Variants in C12orf57 observed in about 807,000 individuals in gnomAD.
The protein encoded by C12orf57 is chromosome 12 open reading frame 57, also known as protein C10.
A neutral mutation model predicts 11.3 loss-of-function variants in C12orf57; 14 were observed. The ratio of observed to expected loss-of-function variants is 1.24; its 90% CI spans 0.82 to 1.94. C12orf57 has a LOEUF of 1.94. C12orf57 is among the 30% of genes most tolerant of loss of function. The pLI, the probability that C12orf57 is intolerant of heterozygous loss-of-function variation, is 0.00. For synonymous variants in C12orf57, 100 were observed against 74.6 expected (o/e 1.34, Z -1.76); for missense variants, 229 against 172.4 (o/e 1.33, Z -1.84).
At chr12:6,943,868 G>GT (rs1287202202), upstream of C12orf57, 66 of 941,772 alleles carry the variant, frequency 7.0e-5, no homozygotes, top group Middle Eastern at 3.4e-4. Flanking sequence ...GCTTTTTACC[G>GT]GAAAGCCCCT....
At chr12:6,943,926 T>C (rs782742987), upstream of C12orf57, 204 of 1,322,062 alleles carry the variant, frequency 1.5e-4, no homozygotes, top group African/African-American at 2.8e-4. Flanking sequence ...TGTGCAAAAA[T>C]TATGGGTAGT....
rs1555146005 is a variant in C12orf57 at position 6,944,523 on chromosome 12, G to C, written c.100G>C (p.Val34Leu). 6 of 1,613,940 alleles carry C rather than the reference G, an allele frequency of 3.7e-6. No homozygotes were observed. The highest frequency in any genetic ancestry group is 5.1e-6 in the Non-Finnish European group (6 of 1,180,028). Reference protein sequence around the residue: ...IQAFSAPENAVRMDEARDNAC... With the variant: ...IQAFSAPENALRMDEARDNAC... Reference sequence around the variant, plus strand: ...GGCGTTCTCCGCCCCGGAGAATGCAGTGCGCATGGACGAGGCTCGGGATAA... The same window carrying C: ...GGCGTTCTCCGCCCCGGAGAATGCACTGCGCATGGACGAGGCTCGGGATAA... The change falls in exon 2 of 3, where the codon GTG becomes CTG. Residue 34 changes from valine to leucine, a missense_variant. Coordinates refer to ENST00000229281, the MANE Select transcript of C12orf57 (RefSeq NM_138425.4).
chr12:6,943,772 T>A, upstream of C12orf57: 1 of 1,045,074 alleles, frequency 9.6e-7, no homozygotes. Context: ...TCATCAATTG[T>A]GGAGTTCCTT....
chr12:6,945,795 T>C lies in C12orf57; in HGVS notation c.254T>C (p.Val85Ala), dbSNP rs1555146484. The change falls in exon 3 of 3, where the codon GTC (valine) becomes GCC (alanine). Residue 85 changes from valine (V) to alanine (A), a missense_variant. Transcript: ENST00000229281. ...GGTGTCCTTAAGTTTGCTCGCTTGG[T>C]CAAGTCCTACGAAGCCCAGGATCCT... ...GEGVLKFARL[V>A]KSYEAQDPEI... 1 of 1,613,776 alleles carries C rather than the reference T, an allele frequency of 6.2e-7. No homozygotes were observed. Among genetic ancestry groups the C allele is most frequent in the East Asian group, 2.2e-5 (1 of 44,862 alleles).
rs141260691 is a variant in C12orf57 at position 6,944,035 on chromosome 12, A to C, written c.-87A>C. The C allele has an allele frequency of 8.7e-6, 14 of 1,609,020 alleles. No individual in the cohort carries two copies. Among genetic ancestry groups the C allele is most frequent in the Non-Finnish European group, 1.1e-5 (13 of 1,178,998 alleles). ...CGGATGCTGTTTCCTTTCCGCTCCC[A>C]GGGGCGTTGGGAACGGTTGTAGGAC... On this transcript the variant is annotated 5_prime_UTR_variant, in exon 1 of 3. Coordinates refer to ENST00000229281, the MANE Select transcript of C12orf57 (RefSeq NM_138425.4).
In C12orf57 at chr12:6,944,115, ACGCC is replaced by A; in HGVS notation, c.-5_-2del. On this transcript the variant is annotated 5_prime_UTR_variant, in exon 1 of 3. Transcript: ENST00000229281. ...ACCTCCGCTGAACCTAGAGCTTCAG[ACGCC>A]CTATGGCGTCCGCCTCGACCCAACC... 9 of 1,613,920 alleles carry A rather than the reference ACGCC, an allele frequency of 5.6e-6. No individual in the cohort carries two copies. Among genetic ancestry groups the A allele is most frequent in the Non-Finnish European group, 7.6e-6 (9 of 1,180,012 alleles).
chr12:6,944,039 G>C lies in C12orf57; in HGVS notation c.-83G>C. On this transcript the variant is annotated 5_prime_UTR_variant, in exon 1 of 3. Coordinates refer to ENST00000229281, the MANE Select transcript of C12orf57 (RefSeq NM_138425.4). ...TGCTGTTTCCTTTCCGCTCCCAGGG[G>C]CGTTGGGAACGGTTGTAGGACGTGG... 2 of 1,610,716 alleles carry C rather than the reference G, an allele frequency of 1.2e-6. No homozygotes were observed. The highest frequency in any genetic ancestry group is 2.2e-5 in the East Asian group (1 of 44,878).
chr12:6,945,623 C>T, intron 2 of C12orf57, 148 bp from the exon 3 acceptor site: 1 of 806,758 alleles, frequency 1.2e-6, no homozygotes, highest in Non-Finnish European at 2.1e-6. Context: ...ATCCAAACCA[C>T]ACGGGACAGA....
At position 6,945,365 on chromosome 12, in the gene C12orf57, T is replaced by TG. The variant is rs367930256; in HGVS notation, c.230-398dup. Among the ~76,000 whole-genome samples, 299 of 151,626 alleles carry TG rather than the reference T, an allele frequency of 2.0e-3. 1 individual carries two copies. The highest frequency in any genetic ancestry group is 0.014 in the South Asian group (65 of 4,780). ...CAGGGTGTTTCAGCTAATTTTTGTT[T>TG]GGGGGGGGTTGGTGGTTAAATTTTT... On this transcript the variant is annotated intron_variant, in intron 2 of 2. Coordinates refer to ENST00000229281, the MANE Select transcript of C12orf57 (RefSeq NM_138425.4).
At chr12:6,944,684 C>T (rs1555146096) in intron 2 of C12orf57, 32 bp downstream of exon 2, 2 of 1,588,446 alleles carry the variant, frequency 1.3e-6, no homozygotes, top group Non-Finnish European at 1.7e-6. Flanking sequence ...GGGTCAGACG[C>T]GGGAAGGCGG....
rs1555146015 is a variant in C12orf57 at position 6,944,538 on chromosome 12, G to A, written c.115G>A (p.Ala39Thr). The A allele has an allele frequency of 1.2e-6, 2 of 1,614,086 alleles. No homozygotes were observed. The highest frequency in any genetic ancestry group is 1.7e-6 in the Non-Finnish European group (2 of 1,180,032). Residue 39 changes from alanine (A) to threonine (T), a missense_variant, in exon 2 of 3, where the codon GCT (alanine) becomes ACT (threonine). Physicochemically the swap from Ala to Thr is moderately conservative, Grantham distance 58. Transcript: ENST00000229281. ...GGAGAATGCAGTGCGCATGGACGAG[G>A]CTCGGGATAACGCCTGCAACGACAT... ...APENAVRMDE[A>T]RDNACNDMGK...
At position 6,944,037 on chromosome 12, in the gene C12orf57, G is replaced by A. The variant is rs868931078; in HGVS notation, c.-85G>A. ...GATGCTGTTTCCTTTCCGCTCCCAGGGGCGTTGGGAACGGTTGTAGGACGT... is the reference window on the plus strand; with the variant it reads ...GATGCTGTTTCCTTTCCGCTCCCAGAGGCGTTGGGAACGGTTGTAGGACGT... On this transcript the variant is annotated 5_prime_UTR_variant, in exon 1 of 3. Coordinates refer to ENST00000229281, the MANE Select transcript of C12orf57 (RefSeq NM_138425.4). 42 of 1,610,412 alleles carry A rather than the reference G, an allele frequency of 2.6e-5. 1 individual carries two copies. The East Asian group carries it at 3.3e-4, about 13-fold the overall frequency.
At chr12:6,943,487 C>T (rs957124526), upstream of C12orf57, 2 of 1,271,408 alleles carry the variant, frequency 1.6e-6, no homozygotes, top group Non-Finnish European at 2.0e-6. Context: ...ATAGACAAGG[C>T]CTTTAGGAAA....
upstream of C12orf57, chr12:6,943,855 C>A: frequency 1.1e-6 from 1 of 933,154 alleles, no homozygotes; most frequent in Non-Finnish European, 1.5e-6. Context: ...AGTAGGCTTT[C>A]TGGCTTTTTA....
Position 6,945,950 on chromosome 12 carries a change from A to AG in C12orf57, c.*32dup, listed in dbSNP as rs1945797620. The AG allele has an allele frequency of 1.3e-6, 2 of 1,599,028 alleles. No individual in the cohort carries two copies. The highest frequency in any genetic ancestry group is 2.7e-5 in the African/African-American group (2 of 74,700). ...GTTGGCCCTCCCTTGTGCCACTGCC[A>AG]GGGGAGGAAAGGCCTTGATGTTCCA... On this transcript the variant is annotated 3_prime_UTR_variant, in exon 3 of 3. Coordinates refer to ENST00000229281, the MANE Select transcript of C12orf57 (RefSeq NM_138425.4).
upstream of C12orf57, chr12:6,943,479 A>C: frequency 9.5e-6 from 12 of 1,262,824 alleles, no homozygotes; most frequent in South Asian, 1.3e-5. Context: ...GCTCATCAAT[A>C]GACAAGGCCT....
intron 1 of C12orf57, 139 bp downstream of exon 1, chr12:6,944,312 G>C: frequency 6.3e-7 from 1 of 1,578,068 alleles, no homozygotes; most frequent in Non-Finnish European, 8.6e-7. Context: ...GGTAGGGGAC[G>C]CCGGGTACCG....
At chr12:6,943,777 T>A (rs1443844664), upstream of C12orf57, 1 of 994,458 alleles carries the variant, frequency 1.0e-6, no homozygotes, top group East Asian at 4.9e-5. Flanking sequence ...AATTGTGGAG[T>A]TCCTTTATAT....
upstream of C12orf57, chr12:6,943,454 G>C (rs1945678803): frequency 4.2e-5 from 50 of 1,197,870 alleles, no homozygotes; most frequent in South Asian, 6.1e-4. Context: ...ATCGGGCCGG[G>C]CATTAGGCTC....
Sources: gnomAD v4.1 joint callset for allele counts (sites outside exome capture counted in the v4.1 genomes callset) on GRCh38, gnomAD v4.1.1 for gene constraint, MANE v1.5 for transcripts, NCBI Gene and HGNC (gene_info 2026-07-23, HGNC 2026-07-21) for gene names.